Variants in SMYD3 observed in about 807,000 individuals in gnomAD.
The protein encoded by SMYD3 is SET and MYND domain containing 3.
A neutral mutation model predicts 57.7 loss-of-function variants in SMYD3; 36 were observed. The observed-to-expected ratio is 0.62, with a 90% CI of 0.48 to 0.82. The LOEUF (loss-of-function observed/expected upper bound fraction) is 0.82. SMYD3 is among the 40% of genes least tolerant of loss of function. SMYD3 has a pLI of 0.00. For missense variants in SMYD3, 515 were observed against 538.8 expected, an observed-to-expected ratio of 0.96 and a Z score of 0.44; for synonymous variants, 211 against 195.0, an observed-to-expected ratio of 1.08 and a Z score of -0.68.
intron 5 of SMYD3, among the ~76,000 whole-genome samples, chr1:246,281,896 G>C (rs1374132345): frequency 6.6e-6 from 1 of 151,910 alleles, no homozygotes; most frequent in Non-Finnish European, 1.5e-5. Context: ...AACAGAAAAA[G>C]GACTCCTAAA....
At chr1:245,894,219 T>C (rs1428224238) in intron 8 of SMYD3, among the ~76,000 whole-genome samples, 1 of 152,110 alleles carries the variant, frequency 6.6e-6, no homozygotes, top group Non-Finnish European at 1.5e-5. Context: ...CAGCGCTCTG[T>C]AGCTAGCTAG....
chr1:246,183,873 G>C (rs754632100), intron 5 of SMYD3, among the ~76,000 whole-genome samples: 14 of 152,162 alleles, frequency 9.2e-5, no homozygotes, highest in Non-Finnish European at 1.8e-4. Flanking sequence ...AAATGCGGTA[G>C]AAACAGCAGT....
chr1:246,091,421 C>T (rs2060821293), intron 5 of SMYD3, among the ~76,000 whole-genome samples: 1 of 151,748 alleles, frequency 6.6e-6, no homozygotes, highest in East Asian at 1.9e-4. Context: ...CCTGTCTTTT[C>T]CACTCGGAAG....
At chr1:246,031,810 G>T (rs929631338) in intron 5 of SMYD3, among the ~76,000 whole-genome samples, 1 of 151,938 alleles carries the variant, frequency 6.6e-6, no homozygotes, top group Non-Finnish European at 1.5e-5. Flanking sequence ...AATTAGGTTG[G>T]TTTCATTCTA....
chr1:246,289,717 T>C (rs1460333141), intron 5 of SMYD3, among the ~76,000 whole-genome samples: 1 of 152,190 alleles, frequency 6.6e-6, no homozygotes, highest in Non-Finnish European at 1.5e-5. Flanking sequence ...AATGTTACTG[T>C]TCGTGGGTGC....
At chr1:246,440,356 T>C (rs1379324457) in intron 1 of SMYD3, among the ~76,000 whole-genome samples, 2 of 152,126 alleles carry the variant, frequency 1.3e-5, no homozygotes, top group African/African-American at 4.8e-5. Context: ...GTACTTACCG[T>C]TTGCCAAGCA....
chr1:245,926,031 A>C (rs1046547416), intron 7 of SMYD3, among the ~76,000 whole-genome samples: 6 of 152,298 alleles, frequency 3.9e-5, no homozygotes, highest in African/African-American at 1.4e-4. Context: ...TGGCACCGGC[A>C]TCTGGGGAGG....
At chr1:245,891,220 A>G (rs1379368988) in intron 8 of SMYD3, among the ~76,000 whole-genome samples, 1 of 152,236 alleles carries the variant, frequency 6.6e-6, no homozygotes, top group African/African-American at 2.4e-5. Context: ...GAAGAAATAT[A>G]ATTGGAATAT....
intron 5 of SMYD3, among the ~76,000 whole-genome samples, chr1:246,144,964 C>T (rs2061820391): frequency 6.6e-6 from 1 of 152,226 alleles, no homozygotes; most frequent in Admixed American, 6.5e-5. Context: ...CTCACGAAAG[C>T]ATCCTAATAG....
At chr1:246,321,121 T>C (rs2065240479) in intron 5 of SMYD3, among the ~76,000 whole-genome samples, 1 of 152,232 alleles carries the variant, frequency 6.6e-6, no homozygotes, top group East Asian at 1.9e-4. Context: ...GCAAAATTTC[T>C]TCTCAACAAA....
Position 245,983,998 on chromosome 1 carries a change from CTTT to C in SMYD3, c.532-54064_532-54062del, listed in dbSNP as rs534310953. 3.1e-3 allele frequency among the ~76,000 whole-genome samples: 423 copies of C among 134,416 alleles called. 1 individual carries two copies. The highest frequency in any genetic ancestry group is 0.01 in the African/African-American group (381 of 36,328). The allele number at this position is 134,416 out of a possible 152,430, so 88.2% of individuals were successfully genotyped here. On this transcript the variant is annotated intron_variant, in intron 5 of 11. Coordinates refer to ENST00000490107, the MANE Select transcript of SMYD3 (RefSeq NM_001167740.2). Reference sequence around the variant, plus strand: ...TTGAGTAAACTCAATCAAGTCTACTCTTTTTTTTTTTTTTTTTTTAAATGGAGT... The same window carrying C: ...TTGAGTAAACTCAATCAAGTCTACTCTTTTTTTTTTTTTTTTAAATGGAGT...
chr1:245,912,711 T>C (rs1401094651), intron 8 of SMYD3, among the ~76,000 whole-genome samples: 1 of 152,132 alleles, frequency 6.6e-6, no homozygotes, highest in African/African-American at 2.4e-5. Context: ...ACATTATTTA[T>C]AGGCAACTGA....
rs545337874 is a variant in SMYD3 at position 246,497,555 on chromosome 1, A to C, written c.164+9499T>G. Among the ~76,000 whole-genome samples, 5 of 152,338 alleles carry C rather than the reference A, an allele frequency of 3.3e-5. No individual in the cohort carries two copies. The South Asian group carries it at 1.0e-3, about 32-fold the overall frequency. ...GGGGAACTCCCAGATAGAAATGGAA[A>C]ATCATCTGAAACTTGATCTACGAGG... On this transcript the variant is annotated intron_variant, in intron 1 of 11. Transcript: ENST00000490107.
intron 5 of SMYD3, among the ~76,000 whole-genome samples, chr1:246,168,988 C>G (rs1325956532): frequency 6.6e-6 from 1 of 152,120 alleles, no homozygotes; most frequent in South Asian, 2.1e-4. Flanking sequence ...TTAAATTTCC[C>G]ATTTGTAATA....
intron 5 of SMYD3, among the ~76,000 whole-genome samples, chr1:246,086,942 C>T (rs2060731772): frequency 2.0e-5 from 3 of 152,014 alleles, no homozygotes; most frequent in African/African-American, 7.3e-5. Flanking sequence ...GTGTTTTCAC[C>T]GTTCAGCTCC....
At chr1:246,211,748 T>C (rs1009829818) in intron 5 of SMYD3, among the ~76,000 whole-genome samples, 2 of 152,164 alleles carry the variant, frequency 1.3e-5, no homozygotes, top group African/African-American at 4.8e-5. Context: ...AGAAACTTGA[T>C]ACTTGCTTGA....
At chr1:246,074,972 T>A in intron 5 of SMYD3, among the ~76,000 whole-genome samples, 1 of 147,944 alleles carries the variant, frequency 6.8e-6, no homozygotes, top group African/African-American at 2.6e-5. Context: ...TATAAGAGAA[T>A]CCAGAAACCT....
chr1:246,061,556 T>TA (rs1367550594), intron 5 of SMYD3, among the ~76,000 whole-genome samples: 682 of 139,202 alleles, frequency 4.9e-3, no homozygotes, highest in Admixed American at 8.2e-3. Flanking sequence ...CATCTCTACT[T>TA]AAAAAAAAAA....
chr1:245,920,115 C>T (rs2055772190), intron 7 of SMYD3, among the ~76,000 whole-genome samples: 2 of 152,038 alleles, frequency 1.3e-5, no homozygotes, highest in Non-Finnish European at 2.9e-5. Context: ...AGATTGAGAC[C>T]ATCCTGGCTA....
Sources: gnomAD v4.1 joint callset for allele counts (sites outside exome capture counted in the v4.1 genomes callset) on GRCh38, gnomAD v4.1.1 for gene constraint, MANE v1.5 for transcripts, NCBI Gene and HGNC (gene_info 2026-07-23, HGNC 2026-07-21) for gene names.